Variants in SGCG observed in about 807,000 individuals in gnomAD.
The protein encoded by SGCG is sarcoglycan gamma, also known as gamma-sarcoglycan.
A neutral mutation model predicts 29.3 loss-of-function variants in SGCG; 26 were observed. The observed-to-expected ratio is 0.89, with a 90% confidence interval of 0.65 to 1.23. The LOEUF (loss-of-function observed/expected upper bound fraction) is 1.23, where lower values mean the gene tolerates loss of function less well. Ranked by LOEUF, SGCG falls within the 50% of genes most tolerant of loss-of-function variation. SGCG has a pLI of 0.00. For missense variants in SGCG, 353 were observed against 356.0 expected (o/e 0.99, Z 0.07); for synonymous variants, 145 against 129.7 (o/e 1.12, Z -0.80).
At chr13:23,234,772 C>G in intron 3 of SGCG, 60 bp downstream of exon 3, 1 of 1,167,996 alleles carries the variant, frequency 8.6e-7, no homozygotes, top group South Asian at 1.2e-5. Flanking sequence ...TGTTTAAGCA[C>G]AAAAATTCAG....
intron 6 of SGCG, among the ~76,000 whole-genome samples, chr13:23,301,544 C>T (rs974033464): frequency 2.6e-5 from 4 of 151,986 alleles, no homozygotes; most frequent in Non-Finnish European, 2.9e-5. Context: ...GTAGGCATCG[C>T]GATATTAATA....
At chr13:23,273,216 G>T (rs150165464) in intron 4 of SGCG, among the ~76,000 whole-genome samples, 4 of 146,516 alleles carry the variant, frequency 2.7e-5, no homozygotes, top group Admixed American at 6.9e-5. Context: ...CAGAATTTTC[G>T]CTGTGTTGCC....
At chr13:23,262,584 G>A (rs187591677) in intron 4 of SGCG, among the ~76,000 whole-genome samples, 77 of 151,994 alleles carry the variant, frequency 5.1e-4, no homozygotes, top group Middle Eastern at 3.4e-3. Flanking sequence ...CTCCACTGAC[G>A]GCATTAGACA....
intron 5 of SGCG, among the ~76,000 whole-genome samples, chr13:23,289,232 A>G (rs1017112140): frequency 4.6e-5 from 7 of 152,234 alleles, no homozygotes; most frequent in Non-Finnish European, 7.4e-5. Flanking sequence ...GCTGCAGTCC[A>G]TGGTATTTCA....
chr13:23,236,305 G>A (rs1471372731), intron 3 of SGCG, among the ~76,000 whole-genome samples: 1 of 152,182 alleles, frequency 6.6e-6, no homozygotes, highest in Non-Finnish European at 1.5e-5. Flanking sequence ...ATTTTGGGAA[G>A]AATCAGACTG....
intron 4 of SGCG, among the ~76,000 whole-genome samples, chr13:23,264,319 A>AT (rs1410302790): frequency 6.6e-6 from 1 of 151,444 alleles, no homozygotes; most frequent in African/African-American, 2.4e-5. Context: ...CAAGAAGTCA[A>AT]TTCATTTTAC....
chr13:23,165,817 G>C, the SGCG span, among the ~76,000 whole-genome samples: 3 of 152,104 alleles, frequency 2.0e-5, no homozygotes, highest in Admixed American at 2.0e-4. Context: ...ATGAGCCACC[G>C]TGCCCAGCCT....
chr13:23,289,219 C>T (rs1222144957), intron 5 of SGCG, among the ~76,000 whole-genome samples: 8 of 152,304 alleles, frequency 5.3e-5, no homozygotes, highest in East Asian at 3.9e-4. Flanking sequence ...CGATCAACGC[C>T]GTGCTGCAGT....
At chr13:23,273,121 C>T (rs1332088370) in intron 4 of SGCG, among the ~76,000 whole-genome samples, 2 of 151,496 alleles carry the variant, frequency 1.3e-5, no homozygotes, top group Non-Finnish European at 2.9e-5. Flanking sequence ...TTATTTCCTT[C>T]CTTGTGCTTT....
At chr13:23,195,493 T>TTTTGTTTG (rs557210311) in intron 1 of SGCG, among the ~76,000 whole-genome samples, 16 of 152,234 alleles carry the variant, frequency 1.1e-4, no homozygotes, top group African/African-American at 3.4e-4. Context: ...AAATAAAGGT[T>TTTTGTTTG]TTTGTTTGTT....
chr13:23,283,077 G>C (rs1425205773), intron 5 of SGCG, among the ~76,000 whole-genome samples: 2 of 152,222 alleles, frequency 1.3e-5, no homozygotes, highest in African/African-American at 4.8e-5. Flanking sequence ...GTGGTGCTGA[G>C]AAGAATGTAC....
intron 1 of SGCG, among the ~76,000 whole-genome samples, chr13:23,195,678 A>ATG (rs60141728): frequency 0.18 from 27,583 of 151,144 alleles, 3,000 homozygotes; most frequent in East Asian, 0.52. Context: ...TTTAATCTAG[A>ATG]TGTGTGTGTG....
At chr13:23,262,760 A>G (rs1350529484) in intron 4 of SGCG, among the ~76,000 whole-genome samples, 1 of 152,042 alleles carries the variant, frequency 6.6e-6, no homozygotes, top group Non-Finnish European at 1.5e-5. Context: ...ATAGGCCACA[A>G]ACCAAGTCTC....
chr13:23,195,234 A>G (rs1877440729), intron 1 of SGCG, among the ~76,000 whole-genome samples: 2 of 152,324 alleles, frequency 1.3e-5, no homozygotes, highest in South Asian at 2.1e-4. Context: ...TTAGTCAAGT[A>G]CTAACCTAAT....
chr13:23,276,408 T>C (rs1218114876), intron 4 of SGCG, among the ~76,000 whole-genome samples: 1 of 151,012 alleles, frequency 6.6e-6, no homozygotes, highest in Non-Finnish European at 1.5e-5. Flanking sequence ...CAGGGAAGCA[T>C]GAACGCTTTC....
chr13:23,224,680 A>ACACACACACACACACACACACC (rs1433903594), intron 2 of SGCG, among the ~76,000 whole-genome samples: 13 of 150,552 alleles, frequency 8.6e-5, no homozygotes, highest in African/African-American at 3.2e-4. Context: ...ACACACACAC[A>ACACACACACACACACACACACC]CCCCACACCA....
intron 1 of SGCG, among the ~76,000 whole-genome samples, chr13:23,196,784 C>T (rs760442371): frequency 2.0e-5 from 3 of 152,002 alleles, no homozygotes; most frequent in Non-Finnish European, 2.9e-5. Context: ...AATGTTGGAG[C>T]TCTTTCAGAA....
chr13:23,192,174 C>CAAAA (rs1201131052), intron 1 of SGCG, among the ~76,000 whole-genome samples: 2 of 112,828 alleles, frequency 1.8e-5, no homozygotes, highest in African/African-American at 3.9e-5. Flanking sequence ...GACTGCGTCC[C>CAAAA]AAAAAAAAAA....
chr13:23,298,958 G>C (rs917927646), intron 6 of SGCG, among the ~76,000 whole-genome samples: 7 of 152,180 alleles, frequency 4.6e-5, no homozygotes, highest in African/African-American at 1.7e-4. Flanking sequence ...AAATGCTCGA[G>C]GAGTGTGGTG....
Sources: gnomAD v4.1 joint callset for allele counts (sites outside exome capture counted in the v4.1 genomes callset) on GRCh38, gnomAD v4.1.1 for gene constraint, MANE v1.5 for transcripts, NCBI Gene and HGNC (gene_info 2026-07-23, HGNC 2026-07-21) for gene names.